SKI: variants seen among roughly 807,000 people sequenced by gnomAD.
SKI encodes ski oncogene.
SKI carries 23 observed loss-of-function variants against 59.3 expected under a neutral mutation model. The ratio of observed to expected loss-of-function variants is 0.39; its 90% CI spans 0.28 to 0.55. The LOEUF is 0.55. SKI is among the 20% of genes least tolerant of loss of function. The pLI is 0.67. For synonymous variants in SKI, 673 were observed against 488.6 expected (o/e 1.38, Z -4.98); for missense variants, 1,017 against 1,038.9 (o/e 0.98, Z 0.29).
chr1:2,252,898 C>T (rs1639193730), intron 1 of SKI, among the ~76,000 whole-genome samples: 1 of 152,044 alleles, frequency 6.6e-6, no homozygotes, highest in Non-Finnish European at 1.5e-5. Flanking sequence ...AGTTTGAGAC[C>T]AGCCTGGATC....
In SKI at chr1:2,268,031, T is replaced by G. The variant is rs1199880278; in HGVS notation, c.970-34947T>G. Reference sequence around the variant, plus strand: ...ACCCCTCTGTGGACGCTACTCACCCTTAGAAGCAGGTTCCCACAGGCCAGG... The same window carrying G: ...ACCCCTCTGTGGACGCTACTCACCCGTAGAAGCAGGTTCCCACAGGCCAGG... On this transcript the variant is annotated intron_variant, in intron 1 of 6. Transcript: ENST00000378536. This position sits in a 1 kb window ranked among gnomAD's most constrained non-coding sequence, Gnocchi z 5.0. Among the ~76,000 whole-genome samples the G allele has an allele frequency of 6.6e-6, 1 of 152,146 alleles. No homozygotes were observed. The highest frequency in any genetic ancestry group is 1.5e-5 in the Non-Finnish European group (1 of 67,988).
intron 6 of SKI, 46 bp downstream of exon 6, chr1:2,306,296 G>A (rs934792781): frequency 6.6e-5 from 96 of 1,461,524 alleles, no homozygotes; most frequent in Non-Finnish European, 8.3e-5. Flanking sequence ...TGGGCGTGGA[G>A]CCGCCGTGGG....
In SKI at chr1:2,235,077, C is replaced by T. The variant is rs1300639294; in HGVS notation, c.969+5342C>T. On this transcript the variant is annotated intron_variant, in intron 1 of 6. Transcript: ENST00000378536. ...TTTTTTTTTGAGACAGGGTCTGTTT[C>T]TGTTGCCCAGGCTGGAGTGCAGTGG... Among the ~76,000 whole-genome samples the T allele has an allele frequency of 6.9e-5, 10 of 144,478 alleles. No homozygotes were observed. The South Asian group carries it at 1.3e-3, about 19-fold the overall frequency. The allele number at this position is 144,478 out of a possible 152,430, so 94.8% of individuals were successfully genotyped here.
chr1:2,296,669 T>C (rs577950113), intron 1 of SKI, among the ~76,000 whole-genome samples: 2 of 152,322 alleles, frequency 1.3e-5, no homozygotes, highest in East Asian at 3.9e-4. Flanking sequence ...CCTTGCATCC[T>C]GTGGGCTGTC....
intron 1 of SKI, among the ~76,000 whole-genome samples, chr1:2,299,152 G>A (rs907556574): frequency 2.0e-5 from 3 of 152,276 alleles, no homozygotes; most frequent in Non-Finnish European, 4.4e-5. Context: ...CCAGCAGGGC[G>A]GGGATGCGGC....
intron 1 of SKI, among the ~76,000 whole-genome samples, chr1:2,292,022 C>T (rs938255274): frequency 6.6e-6 from 1 of 152,178 alleles, no homozygotes. Flanking sequence ...ATGGCACTTA[C>T]AAAAATAGCT....
intron 1 of SKI, among the ~76,000 whole-genome samples, chr1:2,262,659 G>T (rs1223178080): frequency 6.6e-6 from 1 of 152,226 alleles, no homozygotes; most frequent in African/African-American, 2.4e-5. Flanking sequence ...CCCTTTATGA[G>T]TCCGAGGAAG....
rs1403814977 is a variant in SKI at position 2,304,011 on chromosome 1, C to T, written c.1383C>T (p.Thr461=). The change falls in exon 4 of 7, where the codon ACC becomes ACT. Residue 461 remains threonine, a synonymous_variant. Transcript: ENST00000378536. ...QPRKRKLTVD[T]PGAPETLAPV... The stretch of plus-strand genomic sequence containing the variant: ...GGAAGCGGAAGCTGACTGTGGACAC[C>T]CCAGGAGCCCCAGAGACGCTGGCGC... The T allele has an allele frequency of 3.1e-6, 5 of 1,612,528 alleles. No homozygotes were observed. In the South Asian group the frequency reaches 3.3e-5, roughly 11 times the overall value.
At position 2,303,900 on chromosome 1, in the gene SKI, G is replaced by C. The variant is rs552946737; in HGVS notation, c.1272G>C (p.Pro424=). ...CGCCCAACGTGGCCCTCGCACCGCC[G>C]GCCCAGCAGAAGGTTGTGAGCAGCC... ...AVAPNVALAP[P]AQQKVVSSPP... The change falls in exon 4 of 7, where the codon CCG becomes CCC. Residue 424 remains proline (P), a synonymous_variant. Transcript: ENST00000378536. This position sits in a 1 kb window ranked among gnomAD's most constrained non-coding sequence, Gnocchi z 5.6. The C allele has an allele frequency of 6.2e-7, 1 of 1,612,334 alleles. No individual in the cohort carries two copies. The highest frequency in any genetic ancestry group is 8.5e-7 in the Non-Finnish European group (1 of 1,179,814).
At chr1:2,247,192 C>T (rs1417307512) in intron 1 of SKI, among the ~76,000 whole-genome samples, 1 of 152,208 alleles carries the variant, frequency 6.6e-6, no homozygotes, top group Non-Finnish European at 1.5e-5. Flanking sequence ...GCACTTCAGC[C>T]TGGGCAACAG....
At chr1:2,234,298 A>T (rs955141238) in intron 1 of SKI, among the ~76,000 whole-genome samples, 2 of 151,830 alleles carry the variant, frequency 1.3e-5, no homozygotes, top group Non-Finnish European at 2.9e-5. Flanking sequence ...CTTAGTGGTC[A>T]TTTTCCCGGC....
intron 1 of SKI, among the ~76,000 whole-genome samples, chr1:2,235,876 G>A (rs1001344842): frequency 4.6e-5 from 7 of 152,202 alleles, no homozygotes; most frequent in South Asian, 2.1e-4. Context: ...CCTGCCGGCC[G>A]CCTAGTAGGC....
intron 1 of SKI, among the ~76,000 whole-genome samples, chr1:2,255,595 C>T (rs1212803095): frequency 6.6e-6 from 1 of 151,948 alleles, no homozygotes; most frequent in Non-Finnish European, 1.5e-5. Context: ...GTCCTGACCT[C>T]ATTTCCTGTC....
intron 1 of SKI, among the ~76,000 whole-genome samples, chr1:2,246,304 G>A (rs759068524): frequency 3.3e-4 from 50 of 152,080 alleles, no homozygotes; most frequent in Admixed American, 1.3e-4. Context: ...GCATTTTTTC[G>A]TGTGCTTATT....
intron 1 of SKI, among the ~76,000 whole-genome samples, chr1:2,255,549 C>T (rs1007304015): frequency 4.0e-5 from 6 of 151,628 alleles, no homozygotes; most frequent in African/African-American, 1.5e-4. Context: ...CTGTGCCGCT[C>T]TGTCCTGACC....
chr1:2,228,737 C>T lies in SKI; in HGVS notation c.-30C>T. On this transcript the variant is annotated 5_prime_UTR_variant, in exon 1 of 7. Coordinates refer to ENST00000378536, the MANE Select transcript of SKI (RefSeq NM_003036.4). Reference sequence around the variant, plus strand: ...CCGGGGGGGCCCGGGCGCGCGGGAGCGGGAGCGGCCGGGGGAGCCGGAGCG... The same window carrying T: ...CCGGGGGGGCCCGGGCGCGCGGGAGTGGGAGCGGCCGGGGGAGCCGGAGCG... 2.8e-6 allele frequency: 3 copies of T among 1,068,008 alleles called. No individual in the cohort carries two copies. Among genetic ancestry groups the T allele is most frequent in the Non-Finnish European group, 3.4e-6 (3 of 883,608 alleles). The allele number at this position is 1,068,008 out of a possible 1,614,324, so 66.2% of individuals were successfully genotyped here.
At chr1:2,253,468 A>C (rs559708428) in intron 1 of SKI, among the ~76,000 whole-genome samples, 1 of 152,356 alleles carries the variant, frequency 6.6e-6, no homozygotes, top group African/African-American at 2.4e-5. Flanking sequence ...TTGTGAGTGC[A>C]GGTCGTCCTT....
chr1:2,302,337 G>A (rs1640444588), intron 1 of SKI, among the ~76,000 whole-genome samples: 1 of 152,196 alleles, frequency 6.6e-6, no homozygotes, highest in Non-Finnish European at 1.5e-5. Flanking sequence ...TAGGAGCCAG[G>A]CTCCTTGGGG....
chr1:2,303,746 C>T lies in SKI; in HGVS notation c.1212-94C>T. 1 of 1,500,080 alleles carries T rather than the reference C, an allele frequency of 6.7e-7. No homozygotes were observed. Among genetic ancestry groups the T allele is most frequent in the Non-Finnish European group, 9.1e-7 (1 of 1,098,846 alleles). The allele number at this position is 1,500,080 out of a possible 1,614,324, so 92.9% of individuals were successfully genotyped here. ...AGATTCGGAGCTGGGAAAGTCTTTC[C>T]TGTTTAACACCTTCAGAGGGGGTGT... On this transcript the variant is annotated intron_variant, in intron 3 of 6. Transcript: ENST00000378536. This position sits in a 1 kb window ranked among gnomAD's most constrained non-coding sequence, Gnocchi z 5.6.
Sources: allele counts gnomAD v4.1 joint callset (sites outside exome capture counted in the v4.1 genomes callset), GRCh38; gene constraint gnomAD v4.1.1; non-coding constraint Gnocchi (gnomAD v3.1); transcripts MANE v1.5; gene names NCBI Gene and HGNC (gene_info 2026-07-23, HGNC 2026-07-21).